Variants in RAPH1 observed in about 807,000 individuals in gnomAD.
The protein encoded by RAPH1 is Ras association (RalGDS/AF-6) and pleckstrin homology domains 1.
In RAPH1, 18 loss-of-function variants were observed where a neutral mutation model predicts 88.1. That is an observed-to-expected ratio of 0.20 (90% CI 0.14 to 0.30). RAPH1 has a LOEUF of 0.30. Among genes scored for constraint, RAPH1 ranks in the 10% least tolerant of loss-of-function variants. RAPH1 has a pLI of 1.00. For synonymous variants in RAPH1, 587 were observed against 559.0 expected (o/e 1.05, Z -0.71); for missense variants, 1,448 against 1,543.2 (o/e 0.94, Z 1.03).
chr2:203,512,050 T>C (rs1689362688), intron 1 of RAPH1, among the ~76,000 whole-genome samples: 1 of 151,066 alleles, frequency 6.6e-6, no homozygotes, highest in African/African-American at 2.4e-5. Context: ...GAGGCAGAGG[T>C]TGCAGAGAGC....
At chr2:203,520,214 C>G (rs976806462) in intron 1 of RAPH1, among the ~76,000 whole-genome samples, 1 of 152,002 alleles carries the variant, frequency 6.6e-6, no homozygotes, top group African/African-American at 2.4e-5. Flanking sequence ...CACCTGTGGT[C>G]TCAGCAACTT....
intron 4 of RAPH1, among the ~76,000 whole-genome samples, chr2:203,478,644 C>T (rs1198559327): frequency 1.3e-5 from 2 of 152,188 alleles, no homozygotes; most frequent in Admixed American, 6.5e-5. Flanking sequence ...CACCCGCCAC[C>T]GCACCTGGCT....
chr2:203,465,501 A>C (rs1353612156), intron 4 of RAPH1, among the ~76,000 whole-genome samples: 1 of 152,272 alleles, frequency 6.6e-6, no homozygotes, highest in Non-Finnish European at 1.5e-5. Flanking sequence ...ATGAATAGGC[A>C]GAGCACGGAG....
chr2:203,506,729 TATAG>T (rs1182463456), intron 1 of RAPH1, among the ~76,000 whole-genome samples: 3 of 128,980 alleles, frequency 2.3e-5, no homozygotes, highest in Admixed American at 7.6e-5. Context: ...AAAATCCATA[TATAG>T]ATATATATCT....
chr2:203,514,921 A>G (rs1350390485), intron 1 of RAPH1, among the ~76,000 whole-genome samples: 2 of 152,154 alleles, frequency 1.3e-5, no homozygotes, highest in African/African-American at 4.8e-5. Context: ...ATATAATACC[A>G]ATTAGAATAG....
Position 203,440,927 on chromosome 2 carries a change from T to C in RAPH1, c.2263A>G (p.Ile755Val). 1.3e-6 allele frequency: 2 copies of C among 1,548,430 alleles called. No homozygotes were observed. Among genetic ancestry groups the C allele is most frequent in the Non-Finnish European group, 1.7e-6 (2 of 1,147,642 alleles). Residue 755 changes from isoleucine (I) to valine (V), a missense_variant, in exon 14 of 14, where the codon ATT becomes GTT. Around this residue, in one of 2 missense-constraint regions of RAPH1, gnomAD observed 935 missense variants for 890.1 expected, o/e 1.05. Transcript: ENST00000319170. ...GGTGTTGGGGGAGCCACCTGAGTAA[T>C]ATGCTGAACTTGATGGATCTTCAGT... ...PPLKIHQVQH[I>V]TQVAPPTPPP...
At position 203,434,835 on chromosome 2, in the gene RAPH1, A is replaced by ACTT. The variant is rs376436125; in HGVS notation, c.*4599_*4601dup. Reference sequence around the variant, plus strand: ...GTTCACCATCACCCTGACTCAATTCACTTCTCTAAATGTCTTTGGTAGAAA... The same window carrying ACTT: ...GTTCACCATCACCCTGACTCAATTCACTTCTTCTCTAAATGTCTTTGGTAGAAA... On this transcript the variant is annotated 3_prime_UTR_variant, in exon 14 of 14. Coordinates refer to ENST00000319170, the MANE Select transcript of RAPH1 (RefSeq NM_213589.3). 1,352 of 152,664 alleles carry ACTT rather than the reference A, an allele frequency of 8.9e-3. 4 individuals carry two copies. The highest frequency in any genetic ancestry group is 0.014 in the Non-Finnish European group (968 of 68,016). The allele number at this position is 152,664 out of a possible 1,614,324, so 9.5% of individuals were successfully genotyped here.
intron 4 of RAPH1, among the ~76,000 whole-genome samples, chr2:203,475,751 A>T (rs915368373): frequency 9.9e-4 from 118 of 119,688 alleles, no homozygotes; most frequent in African/African-American, 4.6e-3. Context: ...TTCTTGTATA[A>T]AAAAAAAAAA....
At position 203,453,828 on chromosome 2, in the gene RAPH1, A is replaced by G. The variant is rs528938276; in HGVS notation, c.1413+602T>C. ...GTCGTTTTTATCAGTGTTCTAATAG[A>G]TCACTATAAATTTGCTTAAAATGTC... On this transcript the variant is annotated intron_variant, in intron 10 of 13. Coordinates refer to ENST00000319170, the MANE Select transcript of RAPH1 (RefSeq NM_213589.3). 2.6e-5 allele frequency among the ~76,000 whole-genome samples: 4 copies of G among 152,228 alleles called. No individual in the cohort carries two copies. In the East Asian group the frequency reaches 5.8e-4, roughly 22 times the overall value.
chr2:203,485,976 CTT>C (rs1687949329), intron 4 of RAPH1, among the ~76,000 whole-genome samples: 1 of 151,856 alleles, frequency 6.6e-6, no homozygotes, highest in East Asian at 1.9e-4. Context: ...TGTTCCAACC[CTT>C]CTTTCCCAAA....
chr2:203,473,668 G>A (rs940338193), intron 4 of RAPH1, among the ~76,000 whole-genome samples: 3 of 151,854 alleles, frequency 2.0e-5, no homozygotes, highest in Non-Finnish European at 4.4e-5. Flanking sequence ...TATTTTAAAC[G>A]TTTAATTAAA....
chr2:203,529,001 A>AT lies in RAPH1; in HGVS notation c.-1+6109dup, dbSNP rs1293907125. ...TTGCTATATATATATATATATATAT[A>AT]TATATTTTTTTTTTTTTTTTTTTTT... is the stretch of plus-strand genomic sequence containing the variant. On this transcript the variant is annotated intron_variant, in intron 1 of 13. Coordinates refer to ENST00000319170, the MANE Select transcript of RAPH1 (RefSeq NM_213589.3). Among the ~76,000 whole-genome samples the AT allele has an allele frequency of 5.1e-3, 409 of 80,618 alleles. 18 individuals carry two copies. Among genetic ancestry groups the AT allele is most frequent in the Non-Finnish European group, 7.7e-3 (344 of 44,674 alleles). The allele number at this position is 80,618 out of a possible 152,430, so 52.9% of individuals were successfully genotyped here. A position where few individuals can be genotyped will look rare whatever the true frequency, so the allele number is the denominator to read the frequency against.
At chr2:203,470,545 C>G (rs558029256) in intron 4 of RAPH1, among the ~76,000 whole-genome samples, 17 of 152,334 alleles carry the variant, frequency 1.1e-4, no homozygotes, top group Admixed American at 5.9e-4. Context: ...TCCCAGCTGA[C>G]TCCTGCTGAT....
At chr2:203,459,579 A>G (rs867317450) in intron 7 of RAPH1, among the ~76,000 whole-genome samples, 2 of 152,232 alleles carry the variant, frequency 1.3e-5, no homozygotes, top group Non-Finnish European at 2.9e-5. Context: ...AAACTCACCA[A>G]ATAAACAGCT....
chr2:203,506,762 ATATATATC>A lies in RAPH1; in HGVS notation c.1-11417_1-11410del, dbSNP rs1174594211. On this transcript the variant is annotated intron_variant, in intron 1 of 13. Transcript: ENST00000319170. ...TATATCTATATATATATATATCTAT[ATATATATC>A]TATATATATCTAGATATATATATCT... Among the ~76,000 whole-genome samples, 340 of 126,996 alleles carry A rather than the reference ATATATATC, an allele frequency of 2.7e-3. 12 individuals carry two copies. The highest frequency in any genetic ancestry group is 0.011 in the African/African-American group (307 of 27,318). The allele number at this position is 126,996 out of a possible 152,430, so 83.3% of individuals were successfully genotyped here.
At chr2:203,525,853 C>CA (rs1690092129) in intron 1 of RAPH1, among the ~76,000 whole-genome samples, 1 of 152,132 alleles carries the variant, frequency 6.6e-6, no homozygotes. Flanking sequence ...TTAATTAATA[C>CA]AAAGTTATAA....
intron 4 of RAPH1, among the ~76,000 whole-genome samples, chr2:203,464,097 ATTAT>A (rs1293250659): frequency 1.3e-5 from 2 of 152,196 alleles, no homozygotes; most frequent in East Asian, 3.8e-4. Context: ...TAATGATCTT[ATTAT>A]GTTCCTCATG....
At chr2:203,503,194 A>G (rs1484657173) in intron 1 of RAPH1, among the ~76,000 whole-genome samples, 2 of 152,212 alleles carry the variant, frequency 1.3e-5, no homozygotes, top group Admixed American at 1.3e-4. Flanking sequence ...ACCAATTTTA[A>G]TGAGAATAAG....
Position 203,441,106 on chromosome 2 carries a change from T to C in RAPH1, c.2084A>G (p.Gln695Arg), listed in dbSNP as rs1297054306. The change falls in exon 14 of 14, where the codon CAG becomes CGG. Residue 695 changes from glutamine (Q) to arginine (R), a missense_variant. Gln to Arg is a conservative substitution (Grantham distance 43, BLOSUM62 1). Transcript: ENST00000319170. ...TACCAGGATCTGAGGCTTCACTGAC[T>C]GTGACTGCATCACTGGGGGTGTTGG... The part of the protein sequence containing the change: ...KPPTPPVMQS[Q>R]SVKPQILVPP... 1.4e-5 allele frequency: 23 copies of C among 1,608,706 alleles called. No individual in the cohort carries two copies. The highest frequency in any genetic ancestry group is 2.2e-5 in the South Asian group (2 of 90,744).
Sources: allele counts gnomAD v4.1 joint callset (sites outside exome capture counted in the v4.1 genomes callset), GRCh38; gene constraint gnomAD v4.1.1; regional missense constraint gnomAD v4.1.1; transcripts MANE v1.5; gene names NCBI Gene and HGNC (gene_info 2026-07-23, HGNC 2026-07-21).